MACF1: variants seen among roughly 807,000 people sequenced by gnomAD.
MACF1 encodes the protein microtubule actin crosslinking factor 1.
In MACF1, 193 loss-of-function variants were observed where a neutral mutation model predicts 854.8. That is an observed-to-expected ratio of 0.23 (90% CI 0.20 to 0.25). The LOEUF (loss-of-function observed/expected upper bound fraction) is 0.25. MACF1 is among the 10% of genes least tolerant of loss of function. MACF1 has a pLI of 1.00. For missense variants in MACF1, 7,722 were observed against 8,929.1 expected (o/e 0.86, Z 5.45); for synonymous variants, 3,185 against 3,226.7 (o/e 0.99, Z 0.44).
At chr1:39,393,196 A>AAAAAAAAAAATATATATATATATATATAT (rs57576149) in intron 58 of MACF1, among the ~76,000 whole-genome samples, 14 of 66,556 alleles carry the variant, frequency 2.1e-4, no homozygotes, top group African/African-American at 4.2e-4. Context: ...AAAAAAAAAA[A>AAAAAAAAAAATATATATATATATATATAT]ATATATATAT....
chr1:39,435,681 G>A lies in MACF1; in HGVS notation c.17908G>A (p.Glu5970Lys), dbSNP rs1339242955. Residue 5970 changes from glutamate (E) to lysine (K), a missense_variant, in exon 70 of 101, where the codon GAA becomes AAA. By Grantham distance (56) the Glu-to-Lys change is moderately conservative (BLOSUM62 1). This residue lies in a region of MACF1 where 2,807 missense variants were observed against 3,235.8 expected (regional missense o/e 0.87). Transcript: ENST00000564288. ...GGTGGAAGAAAAATACCAGAAAGCA[G>A]AAAACATGTATGCCCAAATAAAGGA... is the stretch of plus-strand genomic sequence containing the variant. ...EMVEEKYQKA[E>K]NMYAQIKEEV... 1.2e-6 allele frequency: 2 copies of A among 1,614,170 alleles called. No individual in the cohort carries two copies. Among genetic ancestry groups the A allele is most frequent in the South Asian group, 1.1e-5 (1 of 91,078 alleles).
In MACF1 at chr1:39,372,605, A is replaced by C. The variant is rs958944188; in HGVS notation, c.13213+9A>C. ...TTCCCAAGGCAAGACAGGTGAGTAC[A>C]GGCTCTTCAAAATATAGTGAATAAA... On this transcript the variant is annotated intron_variant, in intron 52 of 100. Coordinates refer to ENST00000564288, the MANE Select transcript of MACF1 (RefSeq NM_001394062.1). 1.3e-6 allele frequency: 2 copies of C among 1,561,876 alleles called. No individual in the cohort carries two copies. Among genetic ancestry groups the C allele is most frequent in the Admixed American group, 1.7e-5 (1 of 59,624 alleles).
intron 2 of MACF1, among the ~76,000 whole-genome samples, chr1:39,247,711 G>A (rs1289575711): frequency 6.6e-6 from 1 of 152,166 alleles, no homozygotes; most frequent in Non-Finnish European, 1.5e-5. Flanking sequence ...AGAAAGTGAT[G>A]GGGAAAATGT....
At position 39,384,340 on chromosome 1, in the gene MACF1, G is replaced by A. The variant is rs140838770; in HGVS notation, c.13849-1094G>A. Among the ~76,000 whole-genome samples the A allele has an allele frequency of 7.2e-5, 11 of 152,072 alleles. No homozygotes were observed. In the East Asian group the frequency reaches 1.2e-3, roughly 16 times the overall value. ...TCATTGTTTACACATTTGTCATTTCGTGAGGCTATGTCTTATTTATTTTTG... is the reference window on the plus strand; with the variant it reads ...TCATTGTTTACACATTTGTCATTTCATGAGGCTATGTCTTATTTATTTTTG... On this transcript the variant is annotated intron_variant, in intron 56 of 100. Transcript: ENST00000564288.
chr1:39,379,492 G>A (rs1433248011), intron 54 of MACF1, 48 bp downstream of exon 54: 1 of 1,564,532 alleles, frequency 6.4e-7, no homozygotes, highest in African/African-American at 1.4e-5. Context: ...GGAAGAGACA[G>A]CTGTACCAGT....
In MACF1 at chr1:39,427,548, G is replaced by C; in HGVS notation, c.16410G>C (p.Lys5470Asn). Residue 5470 changes from lysine to asparagine, a missense_variant, in exon 62 of 101, where the codon AAG (lysine) becomes AAC (asparagine). This residue lies in a region of MACF1 where 2,807 missense variants were observed against 3,235.8 expected (regional missense o/e 0.87). Coordinates refer to ENST00000564288, the MANE Select transcript of MACF1 (RefSeq NM_001394062.1). ...ISDFLSVTEK[K>N]LANSEPVGTQ... Reference sequence around the variant, plus strand: ...ACTTCTTATCTGTCACAGAGAAAAAGCTTGCTAACTCAGAACCTGTTGGCA... The same window carrying C: ...ACTTCTTATCTGTCACAGAGAAAAACCTTGCTAACTCAGAACCTGTTGGCA... 1 of 1,614,108 alleles carries C rather than the reference G, an allele frequency of 6.2e-7. No individual in the cohort carries two copies. The highest frequency in any genetic ancestry group is 8.5e-7 in the Non-Finnish European group (1 of 1,180,000).
In MACF1 at chr1:39,361,631, G is replaced by T; in HGVS notation, c.12725G>T (p.Gly4242Val). Residue 4242 changes from glycine (G) to valine (V), a missense_variant, in exon 49 of 101, where the codon GGA becomes GTA. Coordinates refer to ENST00000564288, the MANE Select transcript of MACF1 (RefSeq NM_001394062.1). Reference sequence around the variant, plus strand: ...AACAAAAGTCGGATGCTGGCCTCTGGAAATCAGCCAGATCAAGATATTACA... The same window carrying T: ...AACAAAAGTCGGATGCTGGCCTCTGTAAATCAGCCAGATCAAGATATTACA... ...MENKSRMLAS[G>V]NQPDQDITHF... is the part of the protein sequence containing the mutation. 6.2e-7 allele frequency: 1 copy of T among 1,614,172 alleles called. No individual in the cohort carries two copies. Among genetic ancestry groups the T allele is most frequent in the East Asian group, 2.2e-5 (1 of 44,888 alleles).
chr1:39,316,015 A>G (rs1224560269), intron 27 of MACF1, among the ~76,000 whole-genome samples: 1 of 152,244 alleles, frequency 6.6e-6, no homozygotes, highest in Admixed American at 6.5e-5. Context: ...AATAAAAAGA[A>G]AAGTTTTTAG....
chr1:39,281,055 G>T (rs1319717701), intron 6 of MACF1, among the ~76,000 whole-genome samples: 5 of 152,112 alleles, frequency 3.3e-5, no homozygotes. Flanking sequence ...GATTATCACA[G>T]CAACCCTGAA....
chr1:39,323,728 T>C (rs1336529397), intron 33 of MACF1, among the ~76,000 whole-genome samples: 2 of 152,084 alleles, frequency 1.3e-5, no homozygotes, highest in African/African-American at 4.8e-5. Flanking sequence ...CAGCCTCTCT[T>C]ATAAAAAAAA....
intron 54 of MACF1, among the ~76,000 whole-genome samples, chr1:39,379,798 A>T (rs1176218944): frequency 6.6e-6 from 1 of 152,160 alleles, no homozygotes; most frequent in Non-Finnish European, 1.5e-5. Flanking sequence ...TCTTAGAGGG[A>T]TCTAAATAAC....
chr1:39,483,186 A>G (rs1343680557), intron 99 of MACF1, among the ~76,000 whole-genome samples: 4 of 152,048 alleles, frequency 2.6e-5, no homozygotes, highest in African/African-American at 4.8e-5. Flanking sequence ...AATCACTCAA[A>G]TAGGAAACAT....
At chr1:39,198,833 TAAAAG>T (rs1394074340) in intron 2 of MACF1, among the ~76,000 whole-genome samples, 2 of 151,760 alleles carry the variant, frequency 1.3e-5, no homozygotes, top group African/African-American at 4.8e-5. Flanking sequence ...AAGAAAGAAA[TAAAAG>T]GGAAGAAACA....
intron 58 of MACF1, among the ~76,000 whole-genome samples, chr1:39,406,688 T>C (rs1642713603): frequency 7.0e-6 from 1 of 142,414 alleles, no homozygotes; most frequent in African/African-American, 2.7e-5. Context: ...TGAGCCAAGA[T>C]TGCGCCACTG....
At position 39,479,672 on chromosome 1, in the gene MACF1, C is replaced by T. The variant is rs539084606; in HGVS notation, c.21959-126C>T. 3.0e-4 allele frequency: 220 copies of T among 742,164 alleles called. 3 individuals carry two copies. The South Asian group carries it at 3.8e-3, about 13-fold the overall frequency. 46.0% of individuals were successfully genotyped at this position (742,164 alleles called of 1,614,324 possible). On this transcript the variant is annotated intron_variant, in intron 97 of 100. Coordinates refer to ENST00000564288, the MANE Select transcript of MACF1 (RefSeq NM_001394062.1). ...TGAATTTATCTCTATTTTTGAAGAA[C>T]CCACAGATGGTACTAAACCCATATA... is the stretch of plus-strand genomic sequence containing the variant.
chr1:39,334,048 G>C lies in MACF1; in HGVS notation c.7460G>C (p.Gly2487Ala). 1 of 1,614,144 alleles carries C rather than the reference G, an allele frequency of 6.2e-7. No homozygotes were observed. The highest frequency in any genetic ancestry group is 8.5e-7 in the Non-Finnish European group (1 of 1,180,012). The change falls in exon 37 of 101, where the codon GGT (glycine) becomes GCT (alanine). Residue 2487 changes from glycine to alanine, a missense_variant. Around this residue, in one of 15 missense-constraint regions of MACF1, gnomAD observed 1,531 missense variants for 1,601.6 expected, o/e 0.96. Coordinates refer to ENST00000564288, the MANE Select transcript of MACF1 (RefSeq NM_001394062.1). ...ACAGTTGTGCAGTCCATTGACAGAG[G>C]TCTTTTGGAGAGAGAGGAGGCCGTT... ...PLTVVQSIDR[G>A]LLEREEAVRL...
At chr1:39,477,077 A>ATATACACTTATTG (rs1557675037) in intron 97 of MACF1, among the ~76,000 whole-genome samples, 1 of 19,226 alleles carries the variant, frequency 5.2e-5, no homozygotes, top group African/African-American at 1.8e-4. Flanking sequence ...ATATATATAT[A>ATATACACTTATTG]TATATATATA....
chr1:39,369,140 C>G (rs1337640813), intron 50 of MACF1, among the ~76,000 whole-genome samples: 2 of 151,746 alleles, frequency 1.3e-5, no homozygotes, highest in African/African-American at 4.8e-5. Context: ...GCCCAGACCC[C>G]CTGCTTGTTT....
Position 39,285,718 on chromosome 1 carries a change from C to G in MACF1, c.1468C>G (p.Arg490Gly). 6.2e-7 allele frequency: 1 copy of G among 1,613,956 alleles called. No individual in the cohort carries two copies. The highest frequency in any genetic ancestry group is 8.5e-7 in the Non-Finnish European group (1 of 1,179,980). Residue 490 changes from arginine (R) to glycine (G), a missense_variant, in exon 14 of 101, where the codon CGG becomes GGG. Coordinates refer to ENST00000564288, the MANE Select transcript of MACF1 (RefSeq NM_001394062.1). ...RQLQVDLQIL[R>G]DENYYQLEEL... is the part of the protein sequence containing the mutation. ...GCTGCAGGTGGATCTCCAGATCCTG[C>G]GGGATGAGAATTACTACCAGCTAGA...
Sources: gnomAD v4.1 joint callset for allele counts (sites outside exome capture counted in the v4.1 genomes callset) on GRCh38, gnomAD v4.1.1 for gene constraint, gnomAD v4.1.1 regional missense constraint, MANE v1.5 for transcripts, NCBI Gene and HGNC (gene_info 2026-07-23, HGNC 2026-07-21) for gene names.